BRF1: variants seen among roughly 807,000 people sequenced by gnomAD.
The protein encoded by BRF1 is transcription factor IIIB 90 kDa subunit.
BRF1 carries 59 observed loss-of-function variants against 81.7 expected under a neutral mutation model. The ratio of observed to expected loss-of-function variants is 0.72; its 90% CI spans 0.59 to 0.90. BRF1 has a LOEUF of 0.90. Ranked by LOEUF, BRF1 falls within the 40% of genes least tolerant of loss-of-function variation. The probability of loss-of-function intolerance (pLI) is 0.00; values close to 1 mark genes in which losing one functional copy is unlikely to be tolerated. For missense variants in BRF1, 1,050 were observed against 936.3 expected (o/e 1.12, Z -1.58); for synonymous variants, 491 against 395.6 (o/e 1.24, Z -2.86).
At chr14:105,249,527 C>T (rs1232996150) in intron 5 of BRF1, 2 of 1,604,406 alleles carry the variant, frequency 1.2e-6, no homozygotes, top group African/African-American at 1.3e-5. Flanking sequence ...TTTAGGCGGC[C>T]TCCGGAGGCT....
At chr14:105,259,951 T>C (rs1394608548) in intron 3 of BRF1, among the ~76,000 whole-genome samples, 1 of 151,912 alleles carries the variant, frequency 6.6e-6, no homozygotes. Flanking sequence ...ACAGATCATA[T>C]GATTCCATTT....
chr14:105,252,529 G>A lies in BRF1; in HGVS notation c.522C>T (p.Leu174=), dbSNP rs762419137. 2 of 1,613,894 alleles carry A rather than the reference G, an allele frequency of 1.2e-6. No individual in the cohort carries two copies. The highest frequency in any genetic ancestry group is 1.1e-5 in the South Asian group (1 of 91,072). Residue 174 remains leucine (L), a synonymous_variant, in exon 5 of 18, where the codon CTC becomes CTT. Coordinates refer to ENST00000547530, the MANE Select transcript of BRF1 (RefSeq NM_001519.4). ...TACCTATGGCCGGCGCATTGATGCA[G>A]AGCTCTCTTGCCAAGAGAAGAAACG... ...GKTFLLLARE[L]CINAPAIDPC...
At chr14:105,282,396 A>T (rs587691292) in intron 2 of BRF1, among the ~76,000 whole-genome samples, 155 of 152,310 alleles carry the variant, frequency 1.0e-3, no homozygotes, top group Non-Finnish European at 2.1e-3. Flanking sequence ...GTTTTCTAAG[A>T]AAGGCAATCA....
At chr14:105,288,151 G>A (rs1435046874) in intron 1 of BRF1, among the ~76,000 whole-genome samples, 1 of 152,234 alleles carries the variant, frequency 6.6e-6, no homozygotes, top group Non-Finnish European at 1.5e-5. Flanking sequence ...CAAACCTAGT[G>A]GCTTTCAAGA....
At chr14:105,296,075 T>A (rs4347564) in intron 1 of BRF1, among the ~76,000 whole-genome samples, 3 of 134,278 alleles carry the variant, frequency 2.2e-5, no homozygotes, top group South Asian at 4.9e-4. Flanking sequence ...AGCGACACTC[T>A]ATCTCAAAAA....
At chr14:105,277,904 GCCA>G (rs1308313020) in intron 2 of BRF1, among the ~76,000 whole-genome samples, 4 of 152,072 alleles carry the variant, frequency 2.6e-5, no homozygotes, top group Non-Finnish European at 5.9e-5. Flanking sequence ...ACAGGCACAT[GCCA>G]CTGCACCCAG....
chr14:105,228,016 A>G (rs1367725372), intron 7 of BRF1: 2 of 152,292 alleles, frequency 1.3e-5, no homozygotes, highest in East Asian at 1.9e-4. Context: ...AACCCCGACA[A>G]ATACCACCCA....
chr14:105,225,942 G>A lies in BRF1; in HGVS notation c.1048+127C>T, dbSNP rs771872031. ...ATTACAGGCGTGAGCCACCCTGCCC[G>A]GTGGTAAACTTACATTCTGTAGATA... On this transcript the variant is annotated intron_variant, in intron 10 of 17. Coordinates refer to ENST00000547530, the MANE Select transcript of BRF1 (RefSeq NM_001519.4). 111 of 983,060 alleles carry A rather than the reference G, an allele frequency of 1.1e-4. 1 individual carries two copies. The highest frequency in any genetic ancestry group is 9.8e-4 in the Middle Eastern group (3 of 3,064). 60.9% of individuals were successfully genotyped at this position (983,060 alleles called of 1,614,324 possible).
chr14:105,256,665 A>C, intron 3 of BRF1, 116 bp from the exon 4 acceptor site: 3 of 1,455,100 alleles, frequency 2.1e-6, no homozygotes, highest in Non-Finnish European at 2.8e-6. Context: ...GCCCCTCCAA[A>C]TATAAGCTCC....
chr14:105,257,561 C>T (rs905136263), intron 3 of BRF1, among the ~76,000 whole-genome samples: 2 of 152,092 alleles, frequency 1.3e-5, no homozygotes, highest in African/African-American at 4.8e-5. Context: ...GGGACGTGAG[C>T]GGTGAGGCCC....
In BRF1 at chr14:105,241,351, A is replaced by G; in HGVS notation, c.608T>C (p.Val203Ala). The change falls in exon 6 of 18, where the codon GTG (valine) becomes GCG (alanine). Residue 203 changes from valine (V) to alanine (A), a missense_variant. Coordinates refer to ENST00000547530, the MANE Select transcript of BRF1 (RefSeq NM_001519.4). ...LLEFGEKNHEVSMTALRLLQR... is the reference protein window; with the variant it reads ...LLEFGEKNHEASMTALRLLQR... Reference sequence around the variant, plus strand: ...TAGGAGCCTCAGGGCAGTCATGGACACCTCGTGGTTCTTCTCCCCGAATTC... The same window carrying G: ...TAGGAGCCTCAGGGCAGTCATGGACGCCTCGTGGTTCTTCTCCCCGAATTC... 1.2e-6 allele frequency: 2 copies of G among 1,612,762 alleles called. No individual in the cohort carries two copies. Among genetic ancestry groups the G allele is most frequent in the Non-Finnish European group, 1.7e-6 (2 of 1,179,924 alleles).
intron 3 of BRF1, among the ~76,000 whole-genome samples, chr14:105,257,833 G>A (rs1236264758): frequency 3.9e-5 from 6 of 152,158 alleles, no homozygotes; most frequent in Admixed American, 6.5e-5. Flanking sequence ...TACACCTTCC[G>A]GAAAAGGCAA....
chr14:105,299,292 CAG>C (rs1291017302), intron 1 of BRF1, among the ~76,000 whole-genome samples: 1 of 152,178 alleles, frequency 6.6e-6, no homozygotes, highest in Admixed American at 6.6e-5. Context: ...AAATGAGAGT[CAG>C]GGTGTGGTGG....
intron 1 of BRF1, among the ~76,000 whole-genome samples, chr14:105,313,490 G>A (rs1440648073): frequency 6.6e-6 from 1 of 152,236 alleles, no homozygotes; most frequent in African/African-American, 2.4e-5. Flanking sequence ...TGTTCTCTCC[G>A]AAGTGGGACC....
intron 7 of BRF1, chr14:105,227,832 T>C (rs1205948770): frequency 6.6e-6 from 1 of 152,244 alleles, no homozygotes; most frequent in Non-Finnish European, 1.5e-5. Context: ...AGTGAAATAC[T>C]TTACAGCTGG....
chr14:105,226,946 CCAA>C, intron 7 of BRF1, 186 bp from the exon 8 acceptor site: 1 of 683,592 alleles, frequency 1.5e-6, no homozygotes, highest in Non-Finnish European at 2.3e-6. Flanking sequence ...CTGTCTCTAC[CCAA>C]AAAAAAAAAA....
chr14:105,209,940 G>A lies in BRF1; in HGVS notation c.*611C>T, dbSNP rs1233088709. On this transcript the variant is annotated 3_prime_UTR_variant, in exon 18 of 18. Coordinates refer to ENST00000547530, the MANE Select transcript of BRF1 (RefSeq NM_001519.4). ...GGGTCTGGAGGAGGCAGGGGTGGGG[G>A]TGTCTGCCTCGGACGAGGCAGGTAT... 2 of 358,962 alleles carry A rather than the reference G, an allele frequency of 5.6e-6. No individual in the cohort carries two copies. Among genetic ancestry groups the A allele is most frequent in the Non-Finnish European group, 1.0e-5 (2 of 200,296 alleles). 22.2% of individuals were successfully genotyped at this position (358,962 alleles called of 1,614,324 possible).
chr14:105,229,351 C>G (rs992450144), intron 6 of BRF1, among the ~76,000 whole-genome samples: 11 of 152,332 alleles, frequency 7.2e-5, no homozygotes, highest in Admixed American at 3.9e-4. Flanking sequence ...CCAGTGCAAA[C>G]ATGGAGATCA....
chr14:105,253,676 C>T lies in BRF1; in HGVS notation c.472-1097G>A, dbSNP rs3784220. On this transcript the variant is annotated intron_variant, in intron 4 of 17. Coordinates refer to ENST00000547530, the MANE Select transcript of BRF1 (RefSeq NM_001519.4). The stretch of plus-strand genomic sequence containing the variant: ...GATGCCTCTGATCAGGGACCCTGCC[C>T]GCTGGGAGGGCTGGGCCCCCACAGC... 3.3e-3 allele frequency among the ~76,000 whole-genome samples: 508 copies of T among 152,330 alleles called. 3 individuals carry two copies. The highest frequency in any genetic ancestry group is 0.014 in the East Asian group (74 of 5,192).
Sources: gnomAD v4.1 joint callset for allele counts (sites outside exome capture counted in the v4.1 genomes callset) on GRCh38, gnomAD v4.1.1 for gene constraint, MANE v1.5 for transcripts, NCBI Gene and HGNC (gene_info 2026-07-23, HGNC 2026-07-21) for gene names.